The following ADGRL2 variants were observed in gnomAD, a reference collection of about 807,000 sequenced individuals.
ADGRL2 encodes adhesion G protein-coupled receptor L2, also known as calcium-independent alpha-latrotoxin receptor 2.
Under a neutral mutation model 157.4 loss-of-function variants are expected in ADGRL2, and 44 were observed. The ratio of observed to expected loss-of-function variants is 0.28; its 90% CI spans 0.22 to 0.36. The LOEUF is 0.36. ADGRL2 is among the 10% of genes least tolerant of loss of function. ADGRL2 has a pLI of 1.00. For missense variants in ADGRL2, 1,510 were observed against 1,768.9 expected, an observed-to-expected ratio of 0.85 and a Z score of 2.63; for synonymous variants, 585 against 624.7, an observed-to-expected ratio of 0.94 and a Z score of 0.95.
intron 1 of ADGRL2, among the ~76,000 whole-genome samples, chr1:81,755,676 A>G (rs573097229): frequency 6.6e-6 from 1 of 152,316 alleles, no homozygotes; most frequent in South Asian, 2.1e-4. Flanking sequence ...GAGAAAGTGT[A>G]GACAGGCTCC....
chr1:81,391,294 C>G (rs1162718967), intron 1 of ADGRL2, among the ~76,000 whole-genome samples: 1 of 152,306 alleles, frequency 6.6e-6, no homozygotes, highest in African/African-American at 2.4e-5. Flanking sequence ...GACTGCCGTG[C>G]TAACATCAAT....
At chr1:81,614,997 A>G (rs1388956560) in intron 3 of ADGRL2, among the ~76,000 whole-genome samples, 2 of 152,210 alleles carry the variant, frequency 1.3e-5, no homozygotes, top group Non-Finnish European at 2.9e-5. Context: ...TGAGCGACAG[A>G]GTGAGACCAT....
At chr1:81,759,607 T>C (rs1166725851) in intron 1 of ADGRL2, among the ~76,000 whole-genome samples, 1 of 152,152 alleles carries the variant, frequency 6.6e-6, no homozygotes, top group Non-Finnish European at 1.5e-5. Context: ...AAAGTGATGA[T>C]TTGTCCAACA....
intron 2 of ADGRL2, among the ~76,000 whole-genome samples, chr1:81,564,667 T>A (rs148538803): frequency 9.3e-4 from 142 of 152,278 alleles, no homozygotes; most frequent in African/African-American, 3.4e-3. Flanking sequence ...TGCCATATTC[T>A]GTTCATTAGA....
chr1:81,874,591 C>G (rs890967317), intron 2 of ADGRL2, among the ~76,000 whole-genome samples: 52 of 150,980 alleles, frequency 3.4e-4, no homozygotes, highest in Admixed American at 1.3e-3. Context: ...TTCTTTCTGT[C>G]TGTCTTGTCT....
intron 21 of ADGRL2, among the ~76,000 whole-genome samples, chr1:81,986,341 C>A (rs3790870): frequency 0.1 from 15,818 of 152,022 alleles, 837 homozygotes; most frequent in South Asian, 0.16. Flanking sequence ...TCTAATAATT[C>A]ATTTTATAGT....
At chr1:81,422,967 C>A (rs1161206087) in intron 1 of ADGRL2, among the ~76,000 whole-genome samples, 1 of 152,122 alleles carries the variant, frequency 6.6e-6, no homozygotes, top group Non-Finnish European at 1.5e-5. Context: ...TATGCATTTA[C>A]TAAAAAGGCT....
At chr1:81,675,065 G>T (rs2082958129) in intron 3 of ADGRL2, among the ~76,000 whole-genome samples, 1 of 152,098 alleles carries the variant, frequency 6.6e-6, no homozygotes, top group South Asian at 2.1e-4. Flanking sequence ...CAGTACAAAG[G>T]CAAAAGAAGA....
intron 2 of ADGRL2, among the ~76,000 whole-genome samples, chr1:81,577,777 A>G (rs2080825661): frequency 6.6e-6 from 1 of 152,182 alleles, no homozygotes; most frequent in African/African-American, 2.4e-5. Flanking sequence ...TTTATTTTCA[A>G]ATTATTTAAA....
chr1:81,859,428 A>C (rs537855956), intron 2 of ADGRL2, among the ~76,000 whole-genome samples: 64 of 135,708 alleles, frequency 4.7e-4, no homozygotes, highest in Non-Finnish European at 8.9e-4. Flanking sequence ...TTTTTTTGAG[A>C]CAGGGTCTTG....
chr1:81,682,678 G>A (rs763320624), intron 3 of ADGRL2, among the ~76,000 whole-genome samples: 10 of 152,122 alleles, frequency 6.6e-5, no homozygotes. Flanking sequence ...GTGTGATAAC[G>A]CTATATAGGA....
intron 2 of ADGRL2, among the ~76,000 whole-genome samples, chr1:81,567,466 T>G (rs749357188): frequency 3.3e-5 from 5 of 152,128 alleles, no homozygotes; most frequent in Non-Finnish European, 7.4e-5. Context: ...AAGGAAAATA[T>G]GTAGGGCACT....
chr1:81,772,658 G>A (rs2086422724), intron 2 of ADGRL2, among the ~76,000 whole-genome samples: 1 of 151,966 alleles, frequency 6.6e-6, no homozygotes, highest in East Asian at 1.9e-4. Context: ...GAACCCGGGA[G>A]GCAGAGGTTG....
intron 18 of ADGRL2, 38 bp downstream of exon 18, chr1:81,979,998 C>G: frequency 3.5e-6 from 4 of 1,129,992 alleles, no homozygotes; most frequent in Non-Finnish European, 5.4e-6. Context: ...ACTTGACAAA[C>G]TAAGTAAAAG....
At chr1:81,558,663 C>A (rs1021969232) in intron 2 of ADGRL2, among the ~76,000 whole-genome samples, 2 of 152,002 alleles carry the variant, frequency 1.3e-5, no homozygotes, top group African/African-American at 4.8e-5. Flanking sequence ...ACCTTGATTC[C>A]CACTTCTTAA....
chr1:81,332,883 CTTTGT>C (rs1661366854), intron 1 of ADGRL2, among the ~76,000 whole-genome samples: 1 of 151,880 alleles, frequency 6.6e-6, no homozygotes, highest in South Asian at 2.1e-4. Context: ...TTTTCTTTAC[CTTTGT>C]TTTATTTTTT....
chr1:81,309,812 G>T (rs1322685664), intron 1 of ADGRL2, among the ~76,000 whole-genome samples: 1 of 152,032 alleles, frequency 6.6e-6, no homozygotes, highest in Non-Finnish European at 1.5e-5. Context: ...TTGTTTTTCT[G>T]TCTAAAGAGC....
rs527648090 is a variant in ADGRL2 at position 81,915,872 on chromosome 1, A to T, written c.287+8642A>T. ...TAATGATCTTTTTATAGTGCTTTTC[A>T]TATCCTTAGGGATTATTATGTATTC... On this transcript the variant is annotated intron_variant, in intron 3 of 23. Transcript: ENST00000686636. 8.5e-5 allele frequency among the ~76,000 whole-genome samples: 13 copies of T among 152,274 alleles called. 1 individual carries two copies. In the East Asian group the frequency reaches 1.9e-3, roughly 23 times the overall value.
chr1:81,874,712 C>CT (rs1449496766), intron 2 of ADGRL2, among the ~76,000 whole-genome samples: 15 of 150,126 alleles, frequency 1.0e-4, no homozygotes, highest in Admixed American at 6.0e-4. Context: ...TTCTCTTTTT[C>CT]TTTTTTTTTC....
Sources: allele counts gnomAD v4.1 joint callset (sites outside exome capture counted in the v4.1 genomes callset), GRCh38; gene constraint gnomAD v4.1.1; transcripts MANE v1.5; gene names NCBI Gene and HGNC (gene_info 2026-07-23, HGNC 2026-07-21).